The following DPP10 variants were observed in gnomAD, a reference collection of about 807,000 sequenced individuals.
DPP10 encodes the protein inactive dipeptidyl peptidase 10.
In DPP10, 33 loss-of-function variants were observed where a neutral mutation model predicts 120.9. That is an observed-to-expected ratio of 0.27 (90% CI 0.21 to 0.37). The LOEUF is 0.37. Ranked by LOEUF, DPP10 falls within the 10% of genes least tolerant of loss-of-function variation. The pLI, the probability that DPP10 is intolerant of heterozygous loss-of-function variation, is 1.00. For missense variants in DPP10, 816 were observed against 942.8 expected, an observed-to-expected ratio of 0.87 and a Z score of 1.76; for synonymous variants, 337 against 326.1, an observed-to-expected ratio of 1.03 and a Z score of -0.36.
intron 5 of DPP10, among the ~76,000 whole-genome samples, chr2:115,594,374 A>G (rs2082864119): frequency 6.6e-6 from 1 of 152,206 alleles, no homozygotes; most frequent in African/African-American, 2.4e-5. Flanking sequence ...GAGTATATTT[A>G]CTCAGTTGTT....
intron 1 of DPP10, among the ~76,000 whole-genome samples, chr2:115,014,224 C>T (rs978162410): frequency 6.6e-6 from 1 of 152,118 alleles, no homozygotes; most frequent in Non-Finnish European, 1.5e-5. Flanking sequence ...GGAAACTGAA[C>T]AACATGCTCC....
chr2:115,576,901 G>C (rs140911845), intron 5 of DPP10, among the ~76,000 whole-genome samples: 10 of 152,302 alleles, frequency 6.6e-5, no homozygotes, highest in African/African-American at 2.2e-4. Flanking sequence ...AGACCAGCCT[G>C]AGTTGTAATA....
chr2:115,140,476 C>T (rs1490090360), intron 1 of DPP10, among the ~76,000 whole-genome samples: 1 of 152,176 alleles, frequency 6.6e-6, no homozygotes, highest in African/African-American at 2.4e-5. Context: ...CTTGGCTTTT[C>T]TTTTCACTGA....
chr2:115,354,998 C>T (rs1017415418), intron 3 of DPP10, among the ~76,000 whole-genome samples: 1 of 152,158 alleles, frequency 6.6e-6, no homozygotes, highest in Admixed American at 6.5e-5. Flanking sequence ...GTAAATAGTG[C>T]TGCAATAAAC....
At chr2:115,162,443 G>C (rs934498178) in intron 1 of DPP10, among the ~76,000 whole-genome samples, 6 of 152,156 alleles carry the variant, frequency 3.9e-5, no homozygotes, top group African/African-American at 1.4e-4. Flanking sequence ...TCCTATAGCC[G>C]GGGCGCTCGC....
In DPP10 at chr2:114,497,273, A is replaced by G. The variant is rs866137578; in HGVS notation, c.60+54435A>G. Among the ~76,000 whole-genome samples the G allele has an allele frequency of 7.5e-4, 74 of 99,094 alleles. 2 individuals carry two copies. The highest frequency in any genetic ancestry group is 2.7e-3 in the African/African-American group (71 of 25,886). The allele number at this position is 99,094 out of a possible 152,430, so 65.0% of individuals were successfully genotyped here. On this transcript the variant is annotated intron_variant, in intron 1 of 25. Coordinates refer to ENST00000410059, the MANE Select transcript of DPP10 (RefSeq NM_020868.6). ...TGCATGTACGTGTGTATACATGTAC[A>G]TGTATACGTGTATACATGTACATGT... is the stretch of plus-strand genomic sequence containing the variant.
At position 115,125,568 on chromosome 2, in the gene DPP10, CTTT is replaced by C. The variant is rs57686926; in HGVS notation, c.61-183653_61-183651del. ...ACCTAAGTTCAATAGATCATAATGG[CTTT>C]TTTTTTTTTTTTTTTTTGAGACAGA... On this transcript the variant is annotated intron_variant, in intron 1 of 25. Coordinates refer to ENST00000410059, the MANE Select transcript of DPP10 (RefSeq NM_020868.6). Among the ~76,000 whole-genome samples, 8 of 112,152 alleles carry C rather than the reference CTTT, an allele frequency of 7.1e-5. No homozygotes were observed. The East Asian group carries it at 2.2e-3, about 31-fold the overall frequency. The allele number at this position is 112,152 out of a possible 152,430, so 73.6% of individuals were successfully genotyped here.
intron 5 of DPP10, among the ~76,000 whole-genome samples, chr2:115,668,130 A>G (rs768682130): frequency 7.9e-5 from 12 of 152,124 alleles, no homozygotes; most frequent in Non-Finnish European, 1.8e-4. Flanking sequence ...AATTGTTTAT[A>G]TACTTTATCC....
At chr2:114,701,854 T>A (rs190960663) in intron 1 of DPP10, among the ~76,000 whole-genome samples, 63 of 152,268 alleles carry the variant, frequency 4.1e-4, no homozygotes, top group Non-Finnish European at 6.9e-4. Context: ...TTTGAGGTCA[T>A]CTATGAAAAT....
At chr2:115,281,647 T>C (rs887926507) in intron 1 of DPP10, among the ~76,000 whole-genome samples, 1 of 152,192 alleles carries the variant, frequency 6.6e-6, no homozygotes, top group Non-Finnish European at 1.5e-5. Flanking sequence ...ATTGTTTTAA[T>C]AATATTCATC....
At chr2:114,875,790 C>T (rs1691100230) in intron 1 of DPP10, among the ~76,000 whole-genome samples, 1 of 152,016 alleles carries the variant, frequency 6.6e-6, no homozygotes, top group Non-Finnish European at 1.5e-5. Context: ...TAATAGAAAA[C>T]AGTCATGTAT....
chr2:115,815,700 G>T lies in DPP10; in HGVS notation c.1921G>T (p.Asp641Tyr). The change falls in exon 21 of 26, where the codon GAC (aspartate) becomes TAC (tyrosine). Residue 641 changes from aspartate (D) to tyrosine (Y), a missense_variant. By Grantham distance (160) the Asp-to-Tyr change is radical (BLOSUM62 -3). Transcript: ENST00000410059. The stretch of plus-strand genomic sequence containing the variant: ...ATTTTTGCTGAAACTGCCTTACATT[G>T]ACTCCAAAAGATTAAGCATTTTTGG... Reference protein sequence around the residue: ...VKFLLKLPYIDSKRLSIFGKG... With the variant: ...VKFLLKLPYIYSKRLSIFGKG... 6.3e-7 allele frequency: 1 copy of T among 1,597,918 alleles called. No homozygotes were observed. The highest frequency in any genetic ancestry group is 8.5e-7 in the Non-Finnish European group (1 of 1,170,800).
intron 25 of DPP10, 59 bp downstream of exon 25, chr2:115,840,882 C>T (rs373705709): frequency 3.1e-4 from 424 of 1,355,870 alleles, no homozygotes; most frequent in Non-Finnish European, 3.8e-4. Context: ...TTGTGAGATA[C>T]GCAACACAGC....
intron 8 of DPP10, among the ~76,000 whole-genome samples, chr2:115,737,773 C>T (rs1258554242): frequency 6.6e-6 from 1 of 152,180 alleles, no homozygotes; most frequent in African/African-American, 2.4e-5. Flanking sequence ...TTCCTCTTTA[C>T]TTTTACATAA....
intron 1 of DPP10, among the ~76,000 whole-genome samples, chr2:114,668,637 C>A (rs138027064): frequency 3.0e-4 from 45 of 152,198 alleles, no homozygotes; most frequent in African/African-American, 1.1e-3. Flanking sequence ...TGAAAAGTAG[C>A]CTAAGGTAAA....
At chr2:115,109,320 G>A (rs1365022860) in intron 1 of DPP10, among the ~76,000 whole-genome samples, 1 of 152,082 alleles carries the variant, frequency 6.6e-6, no homozygotes, top group East Asian at 1.9e-4. Flanking sequence ...GGCAGATCAC[G>A]ACGTCAGGAG....
intron 1 of DPP10, among the ~76,000 whole-genome samples, chr2:114,561,693 A>G (rs1688779041): frequency 6.6e-6 from 1 of 151,982 alleles, no homozygotes; most frequent in South Asian, 2.1e-4. Context: ...TTCCAAGTCT[A>G]TTTTAGAAAA....
intron 1 of DPP10, among the ~76,000 whole-genome samples, chr2:114,513,958 A>G (rs1684385018): frequency 6.6e-6 from 1 of 152,206 alleles, no homozygotes; most frequent in African/African-American, 2.4e-5. Context: ...AATTGACTCT[A>G]AGTGCATAAA....
intron 10 of DPP10, among the ~76,000 whole-genome samples, chr2:115,751,677 G>A (rs908615626): frequency 2.0e-5 from 3 of 152,074 alleles, no homozygotes; most frequent in Non-Finnish European, 2.9e-5. Context: ...TAACATTCAT[G>A]TAGTTGTATA....
Sources: gnomAD v4.1 joint callset for allele counts (sites outside exome capture counted in the v4.1 genomes callset) on GRCh38, gnomAD v4.1.1 for gene constraint, MANE v1.5 for transcripts, NCBI Gene and HGNC (gene_info 2026-07-23, HGNC 2026-07-21) for gene names.